Variants in PRMT2 observed in about 807,000 individuals in gnomAD.
PRMT2 encodes the protein protein arginine N-methyltransferase 2.
A neutral mutation model predicts 57.6 loss-of-function variants in PRMT2; 26 were observed. The observed-to-expected ratio is 0.45, with a 90% CI of 0.33 to 0.63. The LOEUF (loss-of-function observed/expected upper bound fraction) is 0.63, where lower values mean the gene tolerates loss of function less well. Ranked by LOEUF, PRMT2 falls within the 20% of genes least tolerant of loss-of-function variation. PRMT2 has a pLI of 0.02. For missense variants in PRMT2, 472 were observed against 564.4 expected (o/e 0.84, Z 1.66); for synonymous variants, 219 against 220.0 (o/e 1.00, Z 0.04).
intron 7 of PRMT2, chr21:46,652,920 C>A: frequency 4.6e-6 from 6 of 1,301,460 alleles, no homozygotes; most frequent in Non-Finnish European, 6.1e-6. Flanking sequence ...TCAGCAGTCT[C>A]CCACTAGCCA....
At chr21:46,661,574 G>C (rs1232531809) in intron 9 of PRMT2, 1 of 367,006 alleles carries the variant, frequency 2.7e-6, no homozygotes, top group Non-Finnish European at 4.8e-6. Context: ...CGCAGAATCT[G>C]GGGTAGAAAA....
intron 4 of PRMT2, 150 bp downstream of exon 4, chr21:46,643,789 A>G (rs1472692560): frequency 1.9e-6 from 2 of 1,051,962 alleles, no homozygotes; most frequent in Admixed American, 7.3e-5. Flanking sequence ...CTCACAGCCC[A>G]GCCAGTTCTG....
chr21:46,654,489 CTATT>C (rs2061511912), intron 7 of PRMT2, among the ~76,000 whole-genome samples: 1 of 152,114 alleles, frequency 6.6e-6, no homozygotes, highest in Non-Finnish European at 1.5e-5. Flanking sequence ...CAGGGAGAAA[CTATT>C]TGAGGACTCT....
At chr21:46,651,541 T>A (rs559434096) in intron 7 of PRMT2, among the ~76,000 whole-genome samples, 15 of 151,874 alleles carry the variant, frequency 9.9e-5, no homozygotes, top group Admixed American at 7.9e-4. Flanking sequence ...GGTGGTTTTC[T>A]CCAGTGCAGG....
At chr21:46,646,014 G>A (rs900660099) in intron 5 of PRMT2, among the ~76,000 whole-genome samples, 2 of 152,110 alleles carry the variant, frequency 1.3e-5, no homozygotes, top group African/African-American at 2.4e-5. Flanking sequence ...GCGCCCGGCC[G>A]GAAGGTACTG....
intron 5 of PRMT2, among the ~76,000 whole-genome samples, chr21:46,647,494 A>T (rs2061382306): frequency 6.6e-6 from 1 of 151,796 alleles, no homozygotes; most frequent in African/African-American, 2.4e-5. Context: ...GTGTTATTTT[A>T]TTTTTGTTTT....
chr21:46,652,257 G>C (rs575240354), intron 7 of PRMT2: 1 of 1,345,242 alleles, frequency 7.4e-7, no homozygotes, highest in South Asian at 1.9e-5. Context: ...GTTAGGATGG[G>C]AAAGGTTTTT....
intron 11 of PRMT2, 125 bp from the exon 12 acceptor site, chr21:46,664,170 T>C (rs2061670063): frequency 2.8e-6 from 2 of 722,624 alleles, no homozygotes; most frequent in African/African-American, 1.8e-5. Flanking sequence ...GTTAAAAGTT[T>C]GTCATTTAAA....
At chr21:46,639,525 A>G (rs771169544) in intron 3 of PRMT2, among the ~76,000 whole-genome samples, 33 of 151,838 alleles carry the variant, frequency 2.2e-4, no homozygotes, top group Non-Finnish European at 4.3e-4. Context: ...TATTGGGTGT[A>G]TATATTTAGT....
In PRMT2 at chr21:46,643,474, C is replaced by T. The variant is rs9980692; in HGVS notation, c.40-61C>T. ...ATTTGAAACCATCCTAATAATATAG[C>T]CAAAAAAAAAAAAAAAAAGCTCCAG... On this transcript the variant is annotated intron_variant, in intron 3 of 11. Coordinates refer to ENST00000355680, the MANE Select transcript of PRMT2 (RefSeq NM_206962.4). The T allele has an allele frequency of 3.0e-3, 2,987 of 1,003,924 alleles. 40 individuals are homozygous for T. The African/African-American group carries it at 0.06, about 20-fold the overall frequency. 62.2% of individuals were successfully genotyped at this position (1,003,924 alleles called of 1,614,324 possible). A position where few individuals can be genotyped will look rare whatever the true frequency, so the allele number is the denominator to read the frequency against.
At chr21:46,638,029 TTCTC>T (rs1297240046) in intron 3 of PRMT2, among the ~76,000 whole-genome samples, 2 of 152,326 alleles carry the variant, frequency 1.3e-5, no homozygotes, top group African/African-American at 4.8e-5. Context: ...ATTCCTCCTC[TTCTC>T]TCTCTAGAGG....
rs1402854917 is a variant in PRMT2 at position 46,660,982 on chromosome 21, C to T, written c.960+20C>T. The T allele has an allele frequency of 1.9e-6, 3 of 1,606,596 alleles. No homozygotes were observed. The highest frequency in any genetic ancestry group is 2.7e-5 in the African/African-American group (2 of 74,762). On this transcript the variant is annotated intron_variant, in intron 9 of 11. Transcript: ENST00000355680. ...CTAGAGGTGAGAAAAAGATGAATTG[C>T]TCCTTACATTCGATAATCAGTGACC...
intron 11 of PRMT2, among the ~76,000 whole-genome samples, chr21:46,663,806 G>T (rs1197068358): frequency 6.6e-6 from 1 of 152,232 alleles, no homozygotes; most frequent in Non-Finnish European, 1.5e-5. Context: ...AAGTGAGGGA[G>T]AGCAGAGACC....
intron 8 of PRMT2, chr21:46,659,865 G>A (rs1482323481): frequency 1.0e-6 from 1 of 985,284 alleles, no homozygotes; most frequent in African/African-American, 1.7e-5. Flanking sequence ...GGTTTTTAGG[G>A]ATATGTAATG....
intron 3 of PRMT2, 46 bp from the exon 4 acceptor site, chr21:46,643,489 A>AC: frequency 7.1e-7 from 1 of 1,414,268 alleles, no homozygotes; most frequent in Non-Finnish European, 9.3e-7. Flanking sequence ...AAAAAAAAAA[A>AC]AAAGCTCCAG....
chr21:46,642,399 GA>G (rs1219018058), intron 3 of PRMT2, among the ~76,000 whole-genome samples: 1 of 152,212 alleles, frequency 6.6e-6, no homozygotes, highest in Non-Finnish European at 1.5e-5. Flanking sequence ...TTTATAAAGT[GA>G]AAACCATAGG....
At chr21:46,659,002 A>T (rs1289972281) in intron 8 of PRMT2, 82 bp downstream of exon 8, 1 of 1,522,008 alleles carries the variant, frequency 6.6e-7, no homozygotes, top group Non-Finnish European at 8.8e-7. Flanking sequence ...GCCCTGGGAG[A>T]TCCCATACGA....
At chr21:46,652,275 C>G in intron 7 of PRMT2, 1 of 1,317,438 alleles carries the variant, frequency 7.6e-7, no homozygotes. Context: ...TTTCTAAGAA[C>G]CAAGTTCATA....
At chr21:46,664,149 G>A in intron 11 of PRMT2, 146 bp from the exon 12 acceptor site, 1 of 638,868 alleles carries the variant, frequency 1.6e-6, no homozygotes, top group South Asian at 1.9e-5. Context: ...TTTGCTTTGT[G>A]ATAAGTTTTT....
Sources: allele counts gnomAD v4.1 joint callset (sites outside exome capture counted in the v4.1 genomes callset), GRCh38; gene constraint gnomAD v4.1.1; transcripts MANE v1.5; gene names NCBI Gene and HGNC (gene_info 2026-07-23, HGNC 2026-07-21).